Variants in ZFPM2 observed in about 807,000 individuals in gnomAD.
ZFPM2 encodes the protein zinc finger protein ZFPM2.
Under a neutral mutation model 98.6 loss-of-function variants are expected in ZFPM2, and 20 were observed. That is an observed-to-expected ratio of 0.20 (90% CI 0.14 to 0.29). ZFPM2 has a LOEUF of 0.29. Ranked by LOEUF, ZFPM2 falls within the 10% of genes least tolerant of loss-of-function variation. The pLI, the probability that ZFPM2 is intolerant of heterozygous loss-of-function variation, is 1.00. For missense variants in ZFPM2, 1,310 were observed against 1,388.6 expected (o/e 0.94, Z 0.90); for synonymous variants, 518 against 502.7 (o/e 1.03, Z -0.41).
At chr8:105,756,460 G>A (rs7818859) in intron 5 of ZFPM2, among the ~76,000 whole-genome samples, 25,353 of 152,100 alleles carry the variant, frequency 0.17, 3,631 homozygotes, top group African/African-American at 0.38. Context: ...AAAAGCTCTG[G>A]TGGGCAGTCA....
intron 4 of ZFPM2, among the ~76,000 whole-genome samples, chr8:105,568,816 TACTC>T (rs1033457507): frequency 1.3e-5 from 2 of 152,102 alleles, no homozygotes; most frequent in African/African-American, 4.8e-5. Flanking sequence ...GCCTTCCTGT[TACTC>T]ACCTCCCCAG....
At chr8:105,602,244 C>T (rs1364724394) in intron 4 of ZFPM2, among the ~76,000 whole-genome samples, 1 of 151,978 alleles carries the variant, frequency 6.6e-6, no homozygotes, top group East Asian at 1.9e-4. Flanking sequence ...TTCATAAGTG[C>T]TCACTACAAT....
At chr8:105,472,596 G>A (rs1480703974) in intron 3 of ZFPM2, among the ~76,000 whole-genome samples, 3 of 152,046 alleles carry the variant, frequency 2.0e-5, no homozygotes, top group African/African-American at 7.2e-5. Context: ...TCTGCCTCCC[G>A]GGTTCACACC....
intron 1 of ZFPM2, among the ~76,000 whole-genome samples, chr8:105,354,882 T>G (rs1163310629): frequency 1.3e-5 from 2 of 151,370 alleles, no homozygotes; most frequent in African/African-American, 4.9e-5. Flanking sequence ...TGAACCCGGG[T>G]GGCGGAGCTT....
Position 105,537,145 on chromosome 8 carries a change from T to C in ZFPM2, c.302-24218T>C, listed in dbSNP as rs577545461. ...CTCATTTTTTAAGACTATAAAGCAT[T>C]GTAATTAGAGTCTTAATCCAGTTGA... On this transcript the variant is annotated intron_variant, in intron 3 of 7. Transcript: ENST00000407775. Among the ~76,000 whole-genome samples the C allele has an allele frequency of 5.3e-5, 8 of 152,286 alleles. No homozygotes were observed. The South Asian group carries it at 1.7e-3, about 32-fold the overall frequency.
At chr8:105,381,961 C>T (rs1162885398) in intron 1 of ZFPM2, among the ~76,000 whole-genome samples, 2 of 152,156 alleles carry the variant, frequency 1.3e-5, no homozygotes, top group African/African-American at 4.8e-5. Flanking sequence ...AGTGGTTTGC[C>T]ATAAATTCAA....
intron 3 of ZFPM2, among the ~76,000 whole-genome samples, chr8:105,558,841 T>C (rs1414336462): frequency 1.3e-5 from 2 of 152,200 alleles, no homozygotes; most frequent in Non-Finnish European, 2.9e-5. Context: ...TTTTAACTTG[T>C]ATTTAGCTGA....
intron 5 of ZFPM2, chr8:105,678,782 C>T (rs185193495): frequency 4.6e-5 from 7 of 152,202 alleles, no homozygotes; most frequent in African/African-American, 7.2e-5. Flanking sequence ...AGTCAAGCTA[C>T]AGTGGCTGTG....
At chr8:105,442,925 G>T (rs1277525881) in intron 2 of ZFPM2, among the ~76,000 whole-genome samples, 7 of 150,848 alleles carry the variant, frequency 4.6e-5, no homozygotes, top group Admixed American at 1.3e-4. Flanking sequence ...ATCATATAAA[G>T]ATTTAAGTGG....
rs1185225304 is a variant in ZFPM2 at position 105,318,474 on chromosome 8, G to A, written c.-468G>A. ...TGCGCGGCCCGGAGCGGCGGCGGCG[G>A]CGCCGGAGTATCCGTCCCGCACGCC... On this transcript the variant is annotated 5_prime_UTR_variant, in exon 1 of 8. Transcript: ENST00000407775. 6.6e-6 allele frequency among the ~76,000 whole-genome samples: 1 copy of A among 150,828 alleles called. No individual in the cohort carries two copies. Among genetic ancestry groups the A allele is most frequent in the Admixed American group, 6.6e-5 (1 of 15,166 alleles).
At chr8:105,782,501 T>C (rs1343163435) in intron 5 of ZFPM2, 1 of 152,190 alleles carries the variant, frequency 6.6e-6, no homozygotes, top group Admixed American at 6.5e-5. Flanking sequence ...TAAGAACATT[T>C]ACCCTTGAAT....
chr8:105,400,476 AT>A (rs1363399465), intron 1 of ZFPM2, among the ~76,000 whole-genome samples: 1 of 151,706 alleles, frequency 6.6e-6, no homozygotes, highest in Admixed American at 6.6e-5. Context: ...ATGTGATCTC[AT>A]TGTTCAATTC....
intron 4 of ZFPM2, among the ~76,000 whole-genome samples, chr8:105,575,153 G>A (rs544669135): frequency 6.6e-6 from 1 of 152,174 alleles, no homozygotes; most frequent in Non-Finnish European, 1.5e-5. Flanking sequence ...AGGAGAAGGG[G>A]TGAGGGAGGA....
chr8:105,681,484 G>A (rs1206106832), intron 5 of ZFPM2, among the ~76,000 whole-genome samples: 1 of 152,160 alleles, frequency 6.6e-6, no homozygotes, highest in East Asian at 1.9e-4. Context: ...ATTATAAGTA[G>A]CACTGTGATA....
At chr8:105,664,594 A>G (rs533586112) in intron 5 of ZFPM2, among the ~76,000 whole-genome samples, 5 of 152,192 alleles carry the variant, frequency 3.3e-5, no homozygotes, top group Admixed American at 6.5e-5. Flanking sequence ...TTGGCCTCCC[A>G]AAGTGCTTGG....
intron 3 of ZFPM2, among the ~76,000 whole-genome samples, chr8:105,475,119 A>G (rs1470541093): frequency 6.6e-6 from 1 of 152,228 alleles, no homozygotes; most frequent in Non-Finnish European, 1.5e-5. Context: ...TTGGTAACAT[A>G]TAACTTAGAG....
At chr8:105,417,933 T>G (rs1313507426) in intron 1 of ZFPM2, among the ~76,000 whole-genome samples, 1 of 152,174 alleles carries the variant, frequency 6.6e-6, no homozygotes, top group South Asian at 2.1e-4. Context: ...AAATTTTTAG[T>G]TGGATGTCCC....
At chr8:105,529,460 G>A (rs1814247204) in intron 3 of ZFPM2, among the ~76,000 whole-genome samples, 1 of 151,994 alleles carries the variant, frequency 6.6e-6, no homozygotes, top group Non-Finnish European at 1.5e-5. Context: ...CTGAGCTGAA[G>A]TCTAGTGACT....
At chr8:105,454,292 C>T (rs115210124) in intron 3 of ZFPM2, among the ~76,000 whole-genome samples, 2,441 of 151,428 alleles carry the variant, frequency 0.016, 57 homozygotes, top group African/African-American at 0.056. Flanking sequence ...GCATGTTCTT[C>T]GATACCCCAC....
Sources: allele counts gnomAD v4.1 joint callset (sites outside exome capture counted in the v4.1 genomes callset), GRCh38; gene constraint gnomAD v4.1.1; transcripts MANE v1.5; gene names NCBI Gene and HGNC (gene_info 2026-07-23, HGNC 2026-07-21).